The following FAM120AOS variants were observed in gnomAD, a reference collection of about 807,000 sequenced individuals.
The protein encoded by FAM120AOS is family with sequence similarity 120 member A opposite strand, also known as uncharacterized protein FAM120AOS.
In FAM120AOS, 15 loss-of-function variants were observed where a neutral mutation model predicts 20.2. The observed-to-expected ratio is 0.74, with a 90% CI of 0.50 to 1.15. FAM120AOS has a LOEUF of 1.15. Among genes scored for constraint, FAM120AOS ranks in the 50% most tolerant of loss-of-function variants. The probability of loss-of-function intolerance (pLI) is 0.00; values close to 1 mark genes in which losing one functional copy is unlikely to be tolerated. For missense variants in FAM120AOS, 327 were observed against 351.9 expected, an observed-to-expected ratio of 0.93 and a Z score of 0.57; for synonymous variants, 154 against 154.0, an observed-to-expected ratio of 1.00 and a Z score of 0.00.
chr9:93,452,834 A>G lies in FAM120AOS; in HGVS notation c.-125T>C. 1 of 1,536,006 alleles carries G rather than the reference A, an allele frequency of 6.5e-7. No homozygotes were observed. The highest frequency in any genetic ancestry group is 1.2e-5 in the South Asian group (1 of 84,416). ...AAGCAGGCAGGATACAGAGTAATAG[A>G]GGGGGTTTCGCCAGAGCCCTTGGGG... On this transcript the variant is annotated 5_prime_UTR_variant, in exon 1 of 3. Transcript: ENST00000375412. This position sits in a 1 kb window ranked among gnomAD's most constrained non-coding sequence, Gnocchi z 7.0.
chr9:93,453,030 G>A lies in FAM120AOS; in HGVS notation c.-321C>T. 1 of 1,160,318 alleles carries A rather than the reference G, an allele frequency of 8.6e-7. No homozygotes were observed. The highest frequency in any genetic ancestry group is 1.1e-6 in the Non-Finnish European group (1 of 939,122). The allele number at this position is 1,160,318 out of a possible 1,614,324, so 71.9% of individuals were successfully genotyped here. On this transcript the variant is annotated 5_prime_UTR_variant, in exon 1 of 3. Coordinates refer to ENST00000375412, the MANE Select transcript of FAM120AOS (RefSeq NM_198841.4). ...AATCTTTCTATGGCTTTTTGTGTTA[G>A]ATTTCAAAGACCCGTGCACTTTGAC...
chr9:93,449,133 C>T (rs1856978243), intron 2 of FAM120AOS, among the ~76,000 whole-genome samples: 2 of 148,358 alleles, frequency 1.3e-5, no homozygotes, highest in Non-Finnish European at 3.0e-5. Context: ...TGTTATGATA[C>T]AATAATGAAT....
chr9:93,447,716 A>AT lies in FAM120AOS; in HGVS notation c.685-20_685-19insA. On this transcript the variant is annotated intron_variant, in intron 2 of 2. Transcript: ENST00000375412. ...TGGAAATCTGAAAAGAAAAAAAAAA[A>AT]GGTAGTTTATATATTAGTTTGGAAT... 1 of 1,483,436 alleles carries AT rather than the reference A, an allele frequency of 6.7e-7. No individual in the cohort carries two copies. The highest frequency in any genetic ancestry group is 9.4e-7 in the Non-Finnish European group (1 of 1,063,164). The allele number at this position is 1,483,436 out of a possible 1,614,324, so 91.9% of individuals were successfully genotyped here.
chr9:93,447,824 T>G (rs1856911036), intron 2 of FAM120AOS, 127 bp from the exon 3 acceptor site: 1 of 797,580 alleles, frequency 1.3e-6, no homozygotes, highest in African/African-American at 1.7e-5. Context: ...TGCTGATAAC[T>G]CATAGTACTG....
chr9:93,451,637 T>C (rs1281844801), intron 1 of FAM120AOS: 1 of 980,814 alleles, frequency 1.0e-6, no homozygotes, highest in Non-Finnish European at 1.2e-6. Context: ...GTCCGCTACG[T>C]CAGCGCCGCC....
In FAM120AOS at chr9:93,450,478, CCTTTTTCACCGGGAGTATGGGGG is replaced by C; in HGVS notation, c.662_684del (p.Ala221AspfsTer9). The C allele has an allele frequency of 6.4e-7, 1 of 1,564,816 alleles. No individual in the cohort carries two copies. The highest frequency in any genetic ancestry group is 8.6e-7 in the Non-Finnish European group (1 of 1,157,834). On this transcript the variant is annotated frameshift_variant and splice_region_variant, in exon 2 of 3. Coordinates refer to ENST00000375412, the MANE Select transcript of FAM120AOS (RefSeq NM_198841.4). LOFTEE classifies it low-confidence loss of function (END_TRUNC). ...AAAGAAAGCAGAAAAATCCAACTTG[CCTTTTTCACCGGGAGTATGGGGG>C]CTTCTTTGGCCAAACCGTGCGCGTG...
In FAM120AOS at chr9:93,445,349, A is replaced by G. The variant is rs1856811734; in HGVS notation, c.*2262T>C. Among the ~76,000 whole-genome samples the G allele has an allele frequency of 6.6e-6, 1 of 152,156 alleles. No homozygotes were observed. The stretch of plus-strand genomic sequence containing the variant: ...CGTCAATCCAGGAACCTGTTTCCCC[A>G]TATTAAAGTCAAAGGAACTATACTG... On this transcript the variant is annotated 3_prime_UTR_variant, in exon 3 of 3. Transcript: ENST00000375412.
intron 1 of FAM120AOS, chr9:93,451,422 G>A (rs1417218250): frequency 6.8e-6 from 9 of 1,321,996 alleles, no homozygotes; most frequent in Non-Finnish European, 8.7e-6. Flanking sequence ...GGAGGGGAGC[G>A]GCGGCCGACC....
In FAM120AOS at chr9:93,450,573, T is replaced by C. The variant is rs1477937031; in HGVS notation, c.590A>G (p.Asn197Ser). 6.2e-7 allele frequency: 1 copy of C among 1,607,278 alleles called. No homozygotes were observed. The highest frequency in any genetic ancestry group is 1.3e-5 in the African/African-American group (1 of 74,540). The change falls in exon 2 of 3, where the codon AAC (asparagine) becomes AGC (serine). Residue 197 changes from asparagine to serine, a missense_variant. Around this residue, in one of 3 missense-constraint regions of FAM120AOS, gnomAD observed 86 missense variants for 82.9 expected, o/e 1.04. Coordinates refer to ENST00000375412, the MANE Select transcript of FAM120AOS (RefSeq NM_198841.4). The stretch of plus-strand genomic sequence containing the variant: ...CAGCTGTCCGGCCACAGCCTGTCGG[T>C]TGCATCCTGCTCCTCTACAGAGGTT... ...ARNLCRGAGCNRQAVAGQLLP... is the reference protein window; with the variant it reads ...ARNLCRGAGCSRQAVAGQLLP...
rs1272093927 is a variant in FAM120AOS at position 93,446,885 on chromosome 9, TA to T, written c.*725del. 6.6e-6 allele frequency: 1 copy of T among 152,182 alleles called. No individual in the cohort carries two copies. The highest frequency in any genetic ancestry group is 1.5e-5 in the Non-Finnish European group (1 of 68,054). The allele number at this position is 152,182 out of a possible 1,614,324, so 9.4% of individuals were successfully genotyped here. A position where few individuals can be genotyped will look rare whatever the true frequency, so the allele number is the denominator to read the frequency against. Reference sequence around the variant, plus strand: ...AGGCAGTGCTGTGTTAGACTGAAAGTAAAAGATAAAAACTCTAAGAACCTAT... The same window carrying T: ...AGGCAGTGCTGTGTTAGACTGAAAGTAAAGATAAAAACTCTAAGAACCTAT... On this transcript the variant is annotated 3_prime_UTR_variant, in exon 3 of 3. Coordinates refer to ENST00000375412, the MANE Select transcript of FAM120AOS (RefSeq NM_198841.4).
chr9:93,451,743 T>A, intron 1 of FAM120AOS: 1 of 973,424 alleles, frequency 1.0e-6, no homozygotes, highest in Non-Finnish European at 1.2e-6. Flanking sequence ...GACATGGCCC[T>A]GGGAGGCGGC....
chr9:93,451,476 G>T (rs1857187357), intron 1 of FAM120AOS: 4 of 1,091,482 alleles, frequency 3.7e-6, no homozygotes, highest in African/African-American at 1.7e-5. Flanking sequence ...GGCGCTGCCT[G>T]CTCCGGCTCA....
rs1856780725 is a variant in FAM120AOS at position 93,444,289 on chromosome 9, C to T, written c.*3322G>A. 6.6e-6 allele frequency among the ~76,000 whole-genome samples: 1 copy of T among 152,148 alleles called. No homozygotes were observed. The highest frequency in any genetic ancestry group is 6.5e-5 in the Admixed American group (1 of 15,276). Reference sequence around the variant, plus strand: ...TCCTGACTTCAGGTGATCCACCCGTCTTGGCCTCCCAAAGTGCTGGGATGA... The same window carrying T: ...TCCTGACTTCAGGTGATCCACCCGTTTTGGCCTCCCAAAGTGCTGGGATGA... On this transcript the variant is annotated 3_prime_UTR_variant, in exon 3 of 3. Transcript: ENST00000375412.
rs1270442647 is a variant in FAM120AOS at position 93,447,584 on chromosome 9, G to A, written c.*27C>T. 1 of 1,601,120 alleles carries A rather than the reference G, an allele frequency of 6.2e-7. No individual in the cohort carries two copies. Among genetic ancestry groups the A allele is most frequent in the African/African-American group, 1.3e-5 (1 of 74,614 alleles). On this transcript the variant is annotated 3_prime_UTR_variant, in exon 3 of 3. Transcript: ENST00000375412. ...CAGGGTGGTTTCTTGTCCTTTCAATGCCTCTGCAGAACTTGACCCTAGTTT... is the reference window on the plus strand; with the variant it reads ...CAGGGTGGTTTCTTGTCCTTTCAATACCTCTGCAGAACTTGACCCTAGTTT...
At chr9:93,451,876 G>GC in intron 1 of FAM120AOS, 1 of 975,006 alleles carries the variant, frequency 1.0e-6, no homozygotes, top group Non-Finnish European at 1.3e-6. Context: ...CGGCCCCGCC[G>GC]CCCCCCGCCC....
chr9:93,452,049 G>A lies in FAM120AOS; in HGVS notation c.563+98C>T. The A allele has an allele frequency of 6.3e-7, 1 of 1,582,196 alleles. No individual in the cohort carries two copies. On this transcript the variant is annotated intron_variant, in intron 1 of 2. Coordinates refer to ENST00000375412, the MANE Select transcript of FAM120AOS (RefSeq NM_198841.4). This position sits in a 1 kb window ranked among gnomAD's most constrained non-coding sequence, Gnocchi z 7.0. ...CAGCGGCCCCCGCAGACCCCGCTGC[G>A]CCTGCTGGTGGACGCCGACAACTGC...
intron 2 of FAM120AOS, 129 bp downstream of exon 2, chr9:93,450,350 G>A: frequency 2.2e-6 from 3 of 1,356,226 alleles, no homozygotes; most frequent in South Asian, 1.5e-5. Context: ...ATAGGTGAGT[G>A]GCATAACTTG....
intron 2 of FAM120AOS, among the ~76,000 whole-genome samples, chr9:93,448,133 G>A (rs957998417): frequency 1.3e-5 from 2 of 152,138 alleles, no homozygotes; most frequent in Non-Finnish European, 2.9e-5. Context: ...TTATTACCTT[G>A]TTTGAAAAAC....
intron 1 of FAM120AOS, chr9:93,451,247 A>G (rs7853605): frequency 0.17 from 257,357 of 1,513,794 alleles, 24,639 homozygotes; most frequent in African/African-American, 0.42. Context: ...GTCCCGACGA[A>G]CAGAGTGACT....
Sources: allele counts gnomAD v4.1 joint callset (sites outside exome capture counted in the v4.1 genomes callset), GRCh38; gene constraint gnomAD v4.1.1; regional missense constraint gnomAD v4.1.1; non-coding constraint Gnocchi (gnomAD v3.1); transcripts MANE v1.5; gene names NCBI Gene and HGNC (gene_info 2026-07-23, HGNC 2026-07-21).